Variants in TENM4 observed in about 807,000 individuals in gnomAD.
TENM4 encodes teneurin transmembrane protein 4.
TENM4 carries 82 observed loss-of-function variants against 243.3 expected under a neutral mutation model. That is an observed-to-expected ratio of 0.34 (90% CI 0.28 to 0.40). TENM4 has a LOEUF of 0.40. Among genes scored for constraint, TENM4 ranks in the 10% least tolerant of loss-of-function variants. TENM4 has a pLI of 1.00. For missense variants in TENM4, 3,138 were observed against 3,673.3 expected, an observed-to-expected ratio of 0.85 and a Z score of 3.77; for synonymous variants, 1,412 against 1,456.3, an observed-to-expected ratio of 0.97 and a Z score of 0.69.
At chr11:78,855,930 T>C in intron 11 of TENM4, 34 bp downstream of exon 11, 5 of 1,543,644 alleles carry the variant, frequency 3.2e-6, no homozygotes, top group Non-Finnish European at 4.4e-6. Context: ...TAGGAGCCCA[T>C]GCAGATCAAC....
intron 30 of TENM4, 98 bp from the exon 31 acceptor site, chr11:78,672,427 G>C: frequency 7.6e-7 from 1 of 1,312,828 alleles, no homozygotes; most frequent in Non-Finnish European, 1.1e-6. Flanking sequence ...GGAAGCTCTT[G>C]AGTAGAGGAG....
intron 4 of TENM4, among the ~76,000 whole-genome samples, chr11:79,105,165 C>T (rs1289177611): frequency 1.3e-5 from 2 of 152,312 alleles, no homozygotes; most frequent in South Asian, 2.1e-4. Context: ...TCATTATTTT[C>T]ACCCTCTCAA....
rs184888217 is a variant in TENM4, at chr11:78,874,181, G to T, written c.1085-11049C>A. On this transcript the variant is annotated intron_variant, in intron 9 of 33. Transcript: ENST00000278550. ...GAGAGACAGTAAGGCTCCCAGCTCT[G>T]GCCCTTACCAGCTGTGCATCAACAG... 4.0e-3 allele frequency among the ~76,000 whole-genome samples: 607 copies of T among 152,106 alleles called. 15 individuals carry two copies. The highest frequency in any genetic ancestry group is 4.8e-3 in the East Asian group (25 of 5,162).
intron 6 of TENM4, among the ~76,000 whole-genome samples, chr11:78,939,960 A>G (rs1349406274): frequency 6.6e-6 from 1 of 152,126 alleles, no homozygotes; most frequent in Admixed American, 6.5e-5. Context: ...TCTAGACTCT[A>G]AAGTAACATG....
At chr11:78,971,275 T>C (rs2136576214) in intron 6 of TENM4, among the ~76,000 whole-genome samples, 1 of 152,258 alleles carries the variant, frequency 6.6e-6, no homozygotes, top group East Asian at 1.9e-4. Flanking sequence ...TTCATAGATG[T>C]TGATTTTTAA....
intron 1 of TENM4, among the ~76,000 whole-genome samples, chr11:79,368,730 G>A (rs779060445): frequency 9.9e-5 from 15 of 152,234 alleles, no homozygotes; most frequent in Non-Finnish European, 1.6e-4. Flanking sequence ...ATTGTGAGGA[G>A]TGAATAATGC....
At chr11:79,269,824 G>A (rs1388594675) in intron 2 of TENM4, among the ~76,000 whole-genome samples, 2 of 152,208 alleles carry the variant, frequency 1.3e-5, no homozygotes, top group Non-Finnish European at 2.9e-5. Context: ...TCTGTGGCAT[G>A]CTTAATGAAA....
intron 6 of TENM4, among the ~76,000 whole-genome samples, chr11:78,917,660 C>A (rs1856347869): frequency 6.6e-6 from 1 of 152,090 alleles, no homozygotes; most frequent in African/African-American, 2.4e-5. Flanking sequence ...ATAATAATAC[C>A]AATGATGGCC....
chr11:78,694,077 T>C (rs1249273135), intron 28 of TENM4, among the ~76,000 whole-genome samples: 1 of 152,170 alleles, frequency 6.6e-6, no homozygotes, highest in Non-Finnish European at 1.5e-5. Flanking sequence ...TCAAAGGACA[T>C]CTTCACACAC....
chr11:79,096,125 T>C (rs1364082537), intron 4 of TENM4: 1 of 152,226 alleles, frequency 6.6e-6, no homozygotes, highest in Non-Finnish European at 1.5e-5. Flanking sequence ...CCACAAGTAA[T>C]GCAACATCTC....
intron 6 of TENM4, among the ~76,000 whole-genome samples, chr11:78,977,537 A>G (rs1183260795): frequency 6.6e-6 from 1 of 152,210 alleles, no homozygotes; most frequent in Non-Finnish European, 1.5e-5. Context: ...TTTTCTGTCT[A>G]CTAGACTACC....
At chr11:79,144,918 C>A (rs1187252773) in intron 4 of TENM4, among the ~76,000 whole-genome samples, 3 of 151,780 alleles carry the variant, frequency 2.0e-5, no homozygotes, top group African/African-American at 7.3e-5. Flanking sequence ...TTAAAAATAA[C>A]AAACTGTATA....
chr11:78,834,887 C>G (rs1858066214), intron 12 of TENM4, among the ~76,000 whole-genome samples: 1 of 152,132 alleles, frequency 6.6e-6, no homozygotes, highest in Non-Finnish European at 1.5e-5. Flanking sequence ...TGTGCCTCAC[C>G]CCTGCCTTTG....
At chr11:78,980,910 G>A (rs1857778145) in intron 6 of TENM4, among the ~76,000 whole-genome samples, 1 of 152,096 alleles carries the variant, frequency 6.6e-6, no homozygotes, top group African/African-American at 2.4e-5. Context: ...TATTATTCCT[G>A]TTTTCTAGAT....
intron 1 of TENM4, among the ~76,000 whole-genome samples, chr11:79,311,149 T>C (rs569389432): frequency 5.3e-5 from 8 of 152,298 alleles, no homozygotes; most frequent in East Asian, 3.9e-4. Flanking sequence ...AGAGTGTACA[T>C]AGGGCATTTC....
chr11:79,211,688 AG>A (rs1348893493), intron 3 of TENM4, among the ~76,000 whole-genome samples: 1 of 152,230 alleles, frequency 6.6e-6, no homozygotes, highest in Non-Finnish European at 1.5e-5. Context: ...TGTTAAAGTA[AG>A]GGTTTATTAT....
At chr11:78,723,037 G>T in intron 23 of TENM4, 120 bp from the exon 24 acceptor site, 1 of 1,401,000 alleles carries the variant, frequency 7.1e-7, no homozygotes, top group East Asian at 2.4e-5. Context: ...CCATTTCCAG[G>T]ATCATAGCCC....
intron 1 of TENM4, among the ~76,000 whole-genome samples, chr11:79,315,768 G>C (rs1590873796): frequency 6.6e-6 from 1 of 152,190 alleles, no homozygotes; most frequent in South Asian, 2.1e-4. Context: ...CCCTTCATGA[G>C]CTGTGAAATT....
intron 17 of TENM4, among the ~76,000 whole-genome samples, chr11:78,772,584 C>T (rs1856665228): frequency 6.6e-6 from 1 of 152,144 alleles, no homozygotes; most frequent in East Asian, 1.9e-4. Context: ...TTAAATGGGA[C>T]AACAAATGTG....
Sources: allele counts gnomAD v4.1 joint callset (sites outside exome capture counted in the v4.1 genomes callset), GRCh38; gene constraint gnomAD v4.1.1; transcripts MANE v1.5; gene names NCBI Gene and HGNC (gene_info 2026-07-23, HGNC 2026-07-21).